GALNT17: variants seen among roughly 807,000 people sequenced by gnomAD.
The protein encoded by GALNT17 is polypeptide N-acetylgalactosaminyltransferase 17, also known as UDP-GalNAc:polypeptide N-acetylgalactosaminyltransferase-like 3.
A neutral mutation model predicts 63.7 loss-of-function variants in GALNT17; 29 were observed. The observed-to-expected ratio is 0.46, with a 90% CI of 0.34 to 0.62. The LOEUF is 0.62. Among genes scored for constraint, GALNT17 ranks in the 20% least tolerant of loss-of-function variants. The probability of loss-of-function intolerance (pLI) is 0.01; values close to 1 mark genes in which losing one functional copy is unlikely to be tolerated. For missense variants in GALNT17, 603 were observed against 799.6 expected, an observed-to-expected ratio of 0.75 and a Z score of 2.97; for synonymous variants, 305 against 318.3, an observed-to-expected ratio of 0.96 and a Z score of 0.45.
intron 1 of GALNT17, among the ~76,000 whole-genome samples, chr7:71,321,618 C>CTTCCTTCCTTCCTTCCTTCCT (rs1791606898): frequency 6.7e-6 from 1 of 149,820 alleles, no homozygotes; most frequent in African/African-American, 2.5e-5. Context: ...CCCTCCCTCC[C>CTTCCTTCCTTCCTTCCTTCCT]TTTTTTTGAG....
At chr7:71,313,954 G>A (rs774165170) in intron 1 of GALNT17, among the ~76,000 whole-genome samples, 1 of 152,062 alleles carries the variant, frequency 6.6e-6, no homozygotes, top group Non-Finnish European at 1.5e-5. Context: ...GAGATGTCAG[G>A]AAAATTCATG....
intron 8 of GALNT17, among the ~76,000 whole-genome samples, chr7:71,675,237 A>G (rs1175074742): frequency 6.6e-6 from 1 of 152,138 alleles, no homozygotes; most frequent in Non-Finnish European, 1.5e-5. Flanking sequence ...TATTTCAAAC[A>G]TTGCAGTAGA....
At chr7:71,144,038 C>G (rs57117329) in intron 1 of GALNT17, among the ~76,000 whole-genome samples, 1 of 152,092 alleles carries the variant, frequency 6.6e-6, no homozygotes, top group African/African-American at 2.4e-5. Context: ...ACGATCACAT[C>G]CAGAACTAAG....
intron 2 of GALNT17, among the ~76,000 whole-genome samples, chr7:71,351,560 G>A (rs1024828775): frequency 2.0e-5 from 3 of 152,060 alleles, no homozygotes; most frequent in African/African-American, 4.8e-5. Flanking sequence ...GACAGAGACA[G>A]AAGGAAGGAG....
chr7:71,283,546 G>C (rs988009518), intron 1 of GALNT17, among the ~76,000 whole-genome samples: 1 of 152,124 alleles, frequency 6.6e-6, no homozygotes, highest in African/African-American at 2.4e-5. Context: ...TGGACACTCA[G>C]GTAAGATTTA....
At chr7:71,364,547 C>T (rs1284572563) in intron 2 of GALNT17, among the ~76,000 whole-genome samples, 1 of 152,134 alleles carries the variant, frequency 6.6e-6, no homozygotes, top group East Asian at 1.9e-4. Flanking sequence ...GAAAGTAGAA[C>T]ATTTTATGGG....
At position 71,670,119 on chromosome 7, in the gene GALNT17, A is replaced by C; in HGVS notation, c.1404+10A>C. 1 of 1,614,008 alleles carries C rather than the reference A, an allele frequency of 6.2e-7. No homozygotes were observed. The highest frequency in any genetic ancestry group is 1.1e-5 in the South Asian group (1 of 91,054). ...CGTTGCTTACGGGGAGGTAATTCAG[A>C]CCGTGCATGCTTTTGGCTTGGAATG... On this transcript the variant is annotated intron_variant, in intron 8 of 10. Coordinates refer to ENST00000333538, the MANE Select transcript of GALNT17 (RefSeq NM_022479.3).
chr7:71,430,137 G>C lies in GALNT17; in HGVS notation c.962+9032G>C, dbSNP rs574643609. ...ACTGGGATTATGAGCAAGAGCCACTGCACCTGACCCCACCAGGATTTCTTG... is the reference window on the plus strand; with the variant it reads ...ACTGGGATTATGAGCAAGAGCCACTCCACCTGACCCCACCAGGATTTCTTG... On this transcript the variant is annotated intron_variant, in intron 5 of 10. Coordinates refer to ENST00000333538, the MANE Select transcript of GALNT17 (RefSeq NM_022479.3). Among the ~76,000 whole-genome samples the C allele has an allele frequency of 6.6e-5, 10 of 152,172 alleles. No individual in the cohort carries two copies. In the South Asian group the frequency reaches 2.1e-3, roughly 32 times the overall value.
At chr7:71,264,859 G>A (rs1207455760) in intron 1 of GALNT17, among the ~76,000 whole-genome samples, 1 of 151,806 alleles carries the variant, frequency 6.6e-6, no homozygotes, top group Non-Finnish European at 1.5e-5. Context: ...TCGTAGAGAG[G>A]TTGGTTAATG....
chr7:71,424,859 C>T (rs1786729775), intron 5 of GALNT17, among the ~76,000 whole-genome samples: 2 of 152,160 alleles, frequency 1.3e-5, no homozygotes. Flanking sequence ...TTTCATCATC[C>T]AAATGGTGTT....
At position 71,209,063 on chromosome 7, in the gene GALNT17, C is replaced by T. The variant is rs370532316; in HGVS notation, c.238+76023C>T. ...TGCAGCGTGAAAGCAGGCATAGACA[C>T]CTCATAAACAAATGAGTGTGGCTGT... On this transcript the variant is annotated intron_variant, in intron 1 of 10. Coordinates refer to ENST00000333538, the MANE Select transcript of GALNT17 (RefSeq NM_022479.3). Among the ~76,000 whole-genome samples, 156 of 152,322 alleles carry T rather than the reference C, an allele frequency of 1.0e-3. 1 individual carries two copies. Among genetic ancestry groups the T allele is most frequent in the Non-Finnish European group, 1.6e-3 (109 of 68,036 alleles).
At chr7:71,523,405 G>T (rs1157360354) in intron 5 of GALNT17, among the ~76,000 whole-genome samples, 1 of 152,144 alleles carries the variant, frequency 6.6e-6, no homozygotes, top group African/African-American at 2.4e-5. Flanking sequence ...CTCCAGCATG[G>T]GTGACAGAGC....
At chr7:71,701,776 T>C in intron 9 of GALNT17, among the ~76,000 whole-genome samples, 1 of 102,996 alleles carries the variant, frequency 9.7e-6, no homozygotes, top group Non-Finnish European at 1.8e-5. Flanking sequence ...TATATATATG[T>C]GTGTGTGTAT....
intron 7 of GALNT17, among the ~76,000 whole-genome samples, chr7:71,669,320 A>C (rs369596582): frequency 1.2e-4 from 19 of 152,170 alleles, no homozygotes; most frequent in Middle Eastern, 3.4e-3. Flanking sequence ...GTTTGAGACC[A>C]ACCTGACCAA....
intron 1 of GALNT17, among the ~76,000 whole-genome samples, chr7:71,244,712 A>C (rs915807924): frequency 6.6e-6 from 1 of 152,154 alleles, no homozygotes; most frequent in African/African-American, 2.4e-5. Context: ...TGCTTGCAAC[A>C]CTGAGGTGGA....
At chr7:71,519,258 G>C (rs1221126159) in intron 5 of GALNT17, among the ~76,000 whole-genome samples, 2 of 151,984 alleles carry the variant, frequency 1.3e-5, no homozygotes, top group Non-Finnish European at 2.9e-5. Context: ...AAAGGAACAG[G>C]GTCCATTATC....
intron 1 of GALNT17, among the ~76,000 whole-genome samples, chr7:71,309,283 C>G (rs968377564): frequency 2.0e-5 from 3 of 152,148 alleles, no homozygotes; most frequent in Non-Finnish European, 2.9e-5. Flanking sequence ...CCTTGGCAGT[C>G]TAATTCCTGT....
intron 9 of GALNT17, among the ~76,000 whole-genome samples, chr7:71,704,455 A>C (rs1791694734): frequency 6.7e-6 from 1 of 149,640 alleles, no homozygotes; most frequent in Non-Finnish European, 1.5e-5. Flanking sequence ...TGATCTAGAG[A>C]TTCAATGCAA....
chr7:71,435,714 T>C (rs1419581373), intron 5 of GALNT17, among the ~76,000 whole-genome samples: 2 of 152,014 alleles, frequency 1.3e-5, no homozygotes, highest in South Asian at 2.1e-4. Flanking sequence ...CCCACCGAAG[T>C]TGCTCTAAAA....
Sources: allele counts gnomAD v4.1 joint callset (sites outside exome capture counted in the v4.1 genomes callset), GRCh38; gene constraint gnomAD v4.1.1; transcripts MANE v1.5; gene names NCBI Gene and HGNC (gene_info 2026-07-23, HGNC 2026-07-21).